Variants in SERPINB8 observed in about 807,000 individuals in gnomAD.
The protein encoded by SERPINB8 is serpin B8.
In SERPINB8, 25 loss-of-function variants were observed where a neutral mutation model predicts 35.3. That is an observed-to-expected ratio of 0.71 (90% CI 0.52 to 0.99). SERPINB8 has a LOEUF of 0.99. SERPINB8 is among the 50% of genes least tolerant of loss of function. The probability of loss-of-function intolerance (pLI) is 0.00; values close to 1 mark genes in which losing one functional copy is unlikely to be tolerated. For synonymous variants in SERPINB8, 186 were observed against 160.8 expected, an observed-to-expected ratio of 1.16 and a Z score of -1.19; for missense variants, 484 against 446.5, an observed-to-expected ratio of 1.08 and a Z score of -0.76.
chr18:63,980,391 C>A (rs995998813), intron 3 of SERPINB8, among the ~76,000 whole-genome samples: 3 of 152,178 alleles, frequency 2.0e-5, no homozygotes, highest in African/African-American at 7.2e-5. Flanking sequence ...TAAATCTAAG[C>A]AGTTTCTATT....
downstream of SERPINB8, among the ~76,000 whole-genome samples, chr18:63,992,529 T>C (rs1016199259): frequency 6.6e-6 from 1 of 152,256 alleles, no homozygotes; most frequent in Non-Finnish European, 1.5e-5. Flanking sequence ...TGATAAATTT[T>C]ATTGCTGTTT....
chr18:63,983,858 TTTCTTTGA>T, intron 5 of SERPINB8, 137 bp downstream of exon 5: 2 of 645,366 alleles, frequency 3.1e-6, no homozygotes, highest in Non-Finnish European at 4.8e-6. Context: ...ATTATTTTAT[TTTCTTTGA>T]GACAGGGTCT....
chr18:64,017,391 T>A (rs2050955483), intron 7 of SERPINB8, among the ~76,000 whole-genome samples: 1 of 152,206 alleles, frequency 6.6e-6, no homozygotes, highest in African/African-American at 2.4e-5. Flanking sequence ...GAATCAGGTA[T>A]AAATTTTATT....
intron 1 of SERPINB8, among the ~76,000 whole-genome samples, chr18:63,971,668 C>G (rs1303645267): frequency 1.3e-5 from 2 of 152,222 alleles, no homozygotes; most frequent in Non-Finnish European, 2.9e-5. Flanking sequence ...GTGGCCTACG[C>G]GCCAGCTCCC....
Position 64,012,026 on chromosome 18 carries a change from C to G in SERPINB8, c.*3-6884C>G, listed in dbSNP as rs148164638. Among the ~76,000 whole-genome samples, 407 of 152,056 alleles carry G rather than the reference C, an allele frequency of 2.7e-3. 3 individuals are homozygous for G. Among genetic ancestry groups the G allele is most frequent in the African/African-American group, 9.6e-3 (397 of 41,484 alleles). ...CTAAAGTTCCTGATGGTACAATAAGCAATATTGGGGTGAAAAATGAGCATA... is the reference window on the plus strand; with the variant it reads ...CTAAAGTTCCTGATGGTACAATAAGGAATATTGGGGTGAAAAATGAGCATA... On this transcript the variant is annotated intron_variant, in intron 7 of 7. Transcript: ENST00000636430.
At chr18:63,983,986 A>G (rs2144814208) in intron 5 of SERPINB8, among the ~76,000 whole-genome samples, 1 of 152,192 alleles carries the variant, frequency 6.6e-6, no homozygotes, top group East Asian at 1.9e-4. Context: ...AGCTGTGACT[A>G]CAGGTGCACA....
Position 63,987,096 on chromosome 18 carries a change from CACA to C in SERPINB8, c.945_947del (p.His315_Lys316delinsGln). On this transcript the variant is annotated inframe_deletion, in exon 7 of 7. Transcript: ENST00000397985. ...GAATGTGCCTCTGTCCAAGGTTGCC[CACA>C]AGTGCTTCGTGGAGGTCAATGAGGA... 2 of 1,614,158 alleles carry C rather than the reference CACA, an allele frequency of 1.2e-6. No homozygotes were observed. Among genetic ancestry groups the C allele is most frequent in the Non-Finnish European group, 1.7e-6 (2 of 1,180,036 alleles).
intron 7 of SERPINB8, among the ~76,000 whole-genome samples, chr18:64,011,900 A>G (rs2050927472): frequency 6.6e-6 from 1 of 152,160 alleles, no homozygotes; most frequent in Non-Finnish European, 1.5e-5. Flanking sequence ...AATAATGCCA[A>G]CATCAAAACT....
intron 4 of SERPINB8, among the ~76,000 whole-genome samples, chr18:63,983,074 G>A (rs2050696712): frequency 6.6e-6 from 1 of 152,144 alleles, no homozygotes; most frequent in Non-Finnish European, 1.5e-5. Context: ...AGGTGCCATT[G>A]GATAATGGCT....
At chr18:63,995,608 G>C (rs1446727813) in intron 1 of SERPINB8, among the ~76,000 whole-genome samples, 1 of 152,156 alleles carries the variant, frequency 6.6e-6, no homozygotes, top group East Asian at 1.9e-4. Context: ...GATGGAAATT[G>C]CTGCACTTAG....
At chr18:63,998,109 A>C (rs2050858608) in intron 1 of SERPINB8, among the ~76,000 whole-genome samples, 2 of 152,178 alleles carry the variant, frequency 1.3e-5, no homozygotes, top group Non-Finnish European at 2.9e-5. Flanking sequence ...AAGGCTAAAC[A>C]TTCTGCTCAG....
chr18:63,996,307 C>G (rs534994167), intron 1 of SERPINB8, among the ~76,000 whole-genome samples: 2 of 152,176 alleles, frequency 1.3e-5, no homozygotes, highest in Non-Finnish European at 2.9e-5. Flanking sequence ...GCCTCAGGTA[C>G]CTGGTGATCC....
chr18:63,973,344 T>C (rs957662923), intron 1 of SERPINB8, among the ~76,000 whole-genome samples: 27 of 152,184 alleles, frequency 1.8e-4, no homozygotes, highest in African/African-American at 2.4e-5. Flanking sequence ...GGTTGTTTGT[T>C]TTTTTCTTGT....
At chr18:64,006,513 G>T (rs184710003), downstream of SERPINB8, among the ~76,000 whole-genome samples, 3 of 152,248 alleles carry the variant, frequency 2.0e-5, no homozygotes, top group African/African-American at 7.2e-5. Flanking sequence ...AACCCAGGAA[G>T]AGGGTCCTCT....
chr18:64,013,327 T>C (rs213077), intron 7 of SERPINB8, among the ~76,000 whole-genome samples: 152,252 of 152,254 alleles, frequency 1, 76,125 homozygotes, highest in Middle Eastern at 1. Context: ...ATTATTACTT[T>C]CGGAAATCAA....
At chr18:64,015,612 AC>A (rs1176136759) in intron 7 of SERPINB8, among the ~76,000 whole-genome samples, 1 of 152,154 alleles carries the variant, frequency 6.6e-6, no homozygotes, top group Non-Finnish European at 1.5e-5. Context: ...TTATGTCGAT[AC>A]CTTTTTCATT....
At chr18:64,000,958 T>C (rs2050871495) in intron 1 of SERPINB8, among the ~76,000 whole-genome samples, 1 of 152,240 alleles carries the variant, frequency 6.6e-6, no homozygotes, top group South Asian at 2.1e-4. Flanking sequence ...AGCAGAGGAA[T>C]AAAAATGTAG....
At chr18:63,990,608 T>C (rs1378854743), downstream of SERPINB8, among the ~76,000 whole-genome samples, 1 of 152,136 alleles carries the variant, frequency 6.6e-6, no homozygotes, top group Non-Finnish European at 1.5e-5. Flanking sequence ...GTTGGTGTGC[T>C]GCACCCATTA....
chr18:63,984,889 T>TTG (rs201441054), intron 5 of SERPINB8, among the ~76,000 whole-genome samples: 13 of 152,210 alleles, frequency 8.5e-5, no homozygotes, highest in African/African-American at 3.1e-4. Context: ...TGTTTTTTTT[T>TTG]TCTCACCTGG....
Sources: allele counts gnomAD v4.1 joint callset (sites outside exome capture counted in the v4.1 genomes callset), GRCh38; gene constraint gnomAD v4.1.1; transcripts MANE v1.5; gene names NCBI Gene and HGNC (gene_info 2026-07-23, HGNC 2026-07-21).